Variants in TCEA3 observed in about 807,000 individuals in gnomAD.
The protein encoded by TCEA3 is transcription elongation factor A3.
In TCEA3, 36 loss-of-function variants were observed where a neutral mutation model predicts 44.0. The observed-to-expected ratio is 0.82, with a 90% CI of 0.63 to 1.08. TCEA3 has a LOEUF of 1.08. TCEA3 is among the 50% of genes least tolerant of loss of function. The pLI, the probability that TCEA3 is intolerant of heterozygous loss-of-function variation, is 0.00. For synonymous variants in TCEA3, 162 were observed against 159.7 expected (o/e 1.01, Z -0.11); for missense variants, 392 against 441.2 (o/e 0.89, Z 1.00).
chr1:23,424,520 C>T (rs1335040295), intron 1 of TCEA3, 45 bp downstream of exon 1: 2 of 1,564,302 alleles, frequency 1.3e-6, no homozygotes, highest in East Asian at 2.3e-5. Flanking sequence ...GGCTTGCCCG[C>T]GCCTCCCGGG....
chr1:23,386,061 G>C (rs1032521561), intron 9 of TCEA3, among the ~76,000 whole-genome samples: 2 of 152,106 alleles, frequency 1.3e-5, no homozygotes, highest in Non-Finnish European at 2.9e-5. Flanking sequence ...GTCACGTCAG[G>C]GCAGACCAGA....
Position 23,397,897 on chromosome 1 carries a change from G to T in TCEA3, c.502C>A (p.Pro168Thr). The T allele has an allele frequency of 6.2e-7, 1 of 1,613,778 alleles. No individual in the cohort carries two copies. Among genetic ancestry groups the T allele is most frequent in the South Asian group, 1.1e-5 (1 of 91,038 alleles). ...AGACACATGGAAGAGGCAAACGTGGGGGTCAAGGGGCTGCTAGGTGTTTTG... is the reference window on the plus strand; with the variant it reads ...AGACACATGGAAGAGGCAAACGTGGTGGTCAAGGGGCTGCTAGGTGTTTTG... ...SPKTPSSPLT[P>T]TFASSMCLLA... Residue 168 changes from proline (P) to threonine (T), a missense_variant, in exon 6 of 11, where the codon CCC (proline) becomes ACC (threonine). Coordinates refer to ENST00000450454, the MANE Select transcript of TCEA3 (RefSeq NM_003196.3).
chr1:23,424,208 C>T (rs1034707515), intron 1 of TCEA3, among the ~76,000 whole-genome samples: 5 of 150,846 alleles, frequency 3.3e-5, no homozygotes, highest in Non-Finnish European at 5.9e-5. Flanking sequence ...GCTTTGCACA[C>T]GCCAAGCCCT....
chr1:23,381,802 C>A (rs564956439), intron 10 of TCEA3, among the ~76,000 whole-genome samples: 1 of 152,188 alleles, frequency 6.6e-6, no homozygotes, highest in African/African-American at 2.4e-5. Flanking sequence ...CACATGGCAA[C>A]GGAGACCAAC....
chr1:23,384,883 C>T (rs2092933), intron 9 of TCEA3, among the ~76,000 whole-genome samples: 132,820 of 151,838 alleles, frequency 0.87, 58,428 homozygotes, highest in Non-Finnish European at 0.92. Context: ...TTGTAACAGA[C>T]CTCTCTTCTC....
At chr1:23,388,583 C>T (rs1204896464) in intron 8 of TCEA3, among the ~76,000 whole-genome samples, 1 of 152,170 alleles carries the variant, frequency 6.6e-6, no homozygotes, top group Non-Finnish European at 1.5e-5. Flanking sequence ...TTAGTGTGCT[C>T]ACCTTTCATT....
intron 5 of TCEA3, among the ~76,000 whole-genome samples, 189 bp from the exon 6 acceptor site, chr1:23,398,144 T>C (rs7549560): frequency 0.04 from 6,119 of 152,216 alleles, 339 homozygotes; most frequent in South Asian, 0.25. Flanking sequence ...AGGTTGATAC[T>C]ATTCTCATCC....
At chr1:23,395,226 G>A (rs1639180286) in intron 7 of TCEA3, among the ~76,000 whole-genome samples, 1 of 152,244 alleles carries the variant, frequency 6.6e-6, no homozygotes, top group African/African-American at 2.4e-5. Flanking sequence ...TGTACCACTT[G>A]GGATTCCTGG....
chr1:23,393,814 T>C, intron 8 of TCEA3, 65 bp downstream of exon 8: 1 of 1,564,564 alleles, frequency 6.4e-7, no homozygotes, highest in Non-Finnish European at 8.6e-7. Flanking sequence ...CCACTGACCC[T>C]CTGCACTAGG....
At position 23,417,968 on chromosome 1, in the gene TCEA3, G is replaced by A. The variant is rs1449754698; in HGVS notation, c.174C>T (p.His58=). The change falls in exon 3 of 11, where the codon CAC becomes CAT. Residue 58 remains histidine (H), a synonymous_variant. Coordinates refer to ENST00000450454, the MANE Select transcript of TCEA3 (RefSeq NM_003196.3). ...AGGACACCACCTCCTTGTCTGAGCAGTGCTTGCGGACCCCATTAACAGCAA... is the reference window on the plus strand; with the variant it reads ...AGGACACCACCTCCTTGTCTGAGCAATGCTTGCGGACCCCATTAACAGCAA... The part of the protein sequence containing the change: ...IGVAVNGVRK[H]CSDKEVVSLA... The A allele has an allele frequency of 1.2e-6, 2 of 1,613,972 alleles. No homozygotes were observed. Among genetic ancestry groups the A allele is most frequent in the African/African-American group, 2.7e-5 (2 of 74,948 alleles).
intron 4 of TCEA3, among the ~76,000 whole-genome samples, chr1:23,415,155 T>C (rs554952242): frequency 2.1e-4 from 32 of 151,554 alleles, no homozygotes; most frequent in Non-Finnish European, 4.1e-4. Context: ...CCTGAGTGGC[T>C]GGGACTACAG....
At chr1:23,417,075 G>A (rs940600094) in intron 4 of TCEA3, among the ~76,000 whole-genome samples, 174 bp downstream of exon 4, 1 of 152,218 alleles carries the variant, frequency 6.6e-6, no homozygotes, top group Non-Finnish European at 1.5e-5. Flanking sequence ...TTTGGGTCTT[G>A]TGAGTCTAAC....
At chr1:23,417,164 G>A in intron 4 of TCEA3, 85 bp downstream of exon 4, 1 of 1,504,100 alleles carries the variant, frequency 6.6e-7, no homozygotes, top group Non-Finnish European at 9.0e-7. Context: ...AGGATGAAAG[G>A]TTTAAATGAG....
chr1:23,383,696 G>C, intron 10 of TCEA3: 1 of 985,510 alleles, frequency 1.0e-6, no homozygotes, highest in Non-Finnish European at 1.2e-6. Flanking sequence ...GCAAGTCAGA[G>C]AGCAGTTGGA....
In TCEA3 at chr1:23,418,022, A is replaced by G; in HGVS notation, c.133-13T>C. On this transcript the variant is annotated splice_polypyrimidine_tract_variant and intron_variant, in intron 2 of 10. Coordinates refer to ENST00000450454, the MANE Select transcript of TCEA3 (RefSeq NM_003196.3). The stretch of plus-strand genomic sequence containing the variant: ...CAATCCTGGTTGTCTGCAAAGTGAG[A>G]GGGTTAAGGCATAATCTGGGAATGG... 1 of 1,613,272 alleles carries G rather than the reference A, an allele frequency of 6.2e-7. No homozygotes were observed. The highest frequency in any genetic ancestry group is 8.5e-7 in the Non-Finnish European group (1 of 1,179,234).
intron 4 of TCEA3, among the ~76,000 whole-genome samples, chr1:23,416,949 T>A (rs899013508): frequency 1.3e-5 from 2 of 152,228 alleles, no homozygotes; most frequent in Non-Finnish European, 2.9e-5. Context: ...AGCTCTAGAC[T>A]GCCGTGCGGT....
At chr1:23,422,772 C>G (rs1453704005) in intron 1 of TCEA3, among the ~76,000 whole-genome samples, 2 of 152,186 alleles carry the variant, frequency 1.3e-5, no homozygotes, top group South Asian at 4.1e-4. Flanking sequence ...ACACCATTTC[C>G]TCTTCCCATT....
At chr1:23,401,810 G>A (rs1304683820) in intron 5 of TCEA3, among the ~76,000 whole-genome samples, 4 of 152,128 alleles carry the variant, frequency 2.6e-5, no homozygotes, top group African/African-American at 9.7e-5. Flanking sequence ...GGCCTGTTAG[G>A]AACCGGGCCA....
chr1:23,392,789 C>G (rs568723879), intron 8 of TCEA3, among the ~76,000 whole-genome samples: 1 of 151,424 alleles, frequency 6.6e-6, no homozygotes, highest in Admixed American at 6.6e-5. Context: ...CACACATACA[C>G]AGCCCCCACA....
Sources: gnomAD v4.1 joint callset for allele counts (sites outside exome capture counted in the v4.1 genomes callset) on GRCh38, gnomAD v4.1.1 for gene constraint, MANE v1.5 for transcripts, NCBI Gene and HGNC (gene_info 2026-07-23, HGNC 2026-07-21) for gene names.